TCAIM: variants seen among roughly 807,000 people sequenced by gnomAD.
TCAIM encodes the protein T cell activation inhibitor, mitochondrial, also known as T-cell activation inhibitor, mitochondrial.
Under a neutral mutation model 58.6 loss-of-function variants are expected in TCAIM, and 36 were observed. The ratio of observed to expected loss-of-function variants is 0.61; its 90% confidence interval spans 0.47 to 0.81. TCAIM has a LOEUF of 0.81. TCAIM is among the 30% of genes least tolerant of loss of function. TCAIM has a pLI of 0.00. For missense variants in TCAIM, 466 were observed against 579.6 expected, an observed-to-expected ratio of 0.80 and a Z score of 2.01; for synonymous variants, 172 against 193.6, an observed-to-expected ratio of 0.89 and a Z score of 0.93.
intron 3 of TCAIM, chr3:44,359,076 G>T (rs2125633587): frequency 1.0e-5 from 10 of 983,166 alleles, no homozygotes; most frequent in Non-Finnish European, 1.2e-5. Flanking sequence ...TTCTACCAAT[G>T]TATTTTTTTT....
intron 6 of TCAIM, among the ~76,000 whole-genome samples, chr3:44,393,182 G>T (rs73090454): frequency 0.18 from 27,410 of 152,098 alleles, 2,694 homozygotes; most frequent in Middle Eastern, 0.29. Flanking sequence ...ATAAGGCTGT[G>T]CACAGTGGCT....
Position 44,407,451 on chromosome 3 carries a change from T to G in TCAIM, c.1260T>G (p.Val420=). The change falls in exon 11 of 11, where the codon GTT becomes GTG. Residue 420 remains valine, a synonymous_variant. Coordinates refer to ENST00000342649, the MANE Select transcript of TCAIM (RefSeq NM_173826.4). Reference sequence around the variant, plus strand: ...ATTTTCTATATAATAGGTTAAAGGTTATTGAAAATGAATTGATACAGGCAT... The same window carrying G: ...ATTTTCTATATAATAGGTTAAAGGTGATTGAAAATGAATTGATACAGGCAT... ...ENMKRKEELK[V]IENELIQAST... 1 of 1,532,446 alleles carries G rather than the reference T, an allele frequency of 6.5e-7. No homozygotes were observed. Among genetic ancestry groups the G allele is most frequent in the Non-Finnish European group, 9.0e-7 (1 of 1,111,264 alleles). The allele number at this position is 1,532,446 out of a possible 1,614,324, so 94.9% of individuals were successfully genotyped here.
intron 1 of TCAIM, 146 bp downstream of exon 1, chr3:44,338,980 T>C (rs1443741589): frequency 1.3e-5 from 2 of 152,232 alleles, no homozygotes; most frequent in Non-Finnish European, 2.9e-5. Flanking sequence ...AGTATCCGCA[T>C]CGCATCTACA....
intron 4 of TCAIM, among the ~76,000 whole-genome samples, chr3:44,362,234 T>A (rs1441224007): frequency 6.6e-6 from 1 of 152,304 alleles, no homozygotes; most frequent in East Asian, 1.9e-4. Context: ...AAACAAACTG[T>A]TATAAAACTC....
At chr3:44,384,852 T>A (rs954592778) in intron 5 of TCAIM, among the ~76,000 whole-genome samples, 10 of 152,366 alleles carry the variant, frequency 6.6e-5, no homozygotes, top group African/African-American at 2.4e-4. Context: ...TAATAGCTCA[T>A]GCATTGTTTA....
At chr3:44,345,306 A>C (rs1700943789) in intron 1 of TCAIM, among the ~76,000 whole-genome samples, 1 of 151,958 alleles carries the variant, frequency 6.6e-6, no homozygotes, top group Admixed American at 6.5e-5. Flanking sequence ...AACTAAACAG[A>C]AGACGCAAGG....
intron 5 of TCAIM, among the ~76,000 whole-genome samples, chr3:44,368,586 G>A (rs1288743615): frequency 6.6e-6 from 1 of 152,186 alleles, no homozygotes; most frequent in Non-Finnish European, 1.5e-5. Context: ...TATGATATTT[G>A]TCTATATGCA....
At chr3:44,365,930 G>T (rs1337057837) in intron 4 of TCAIM, among the ~76,000 whole-genome samples, 2 of 152,350 alleles carry the variant, frequency 1.3e-5, no homozygotes, top group African/African-American at 4.8e-5. Flanking sequence ...CTCAAGTAAA[G>T]ATGGTAAAGT....
intron 10 of TCAIM, among the ~76,000 whole-genome samples, chr3:44,402,492 AAC>A (rs1702035676): frequency 6.6e-6 from 1 of 152,184 alleles, no homozygotes; most frequent in Non-Finnish European, 1.5e-5. Context: ...TATTATAGCC[AAC>A]AGTTTCCTGT....
intron 5 of TCAIM, among the ~76,000 whole-genome samples, chr3:44,379,206 TAATA>T (rs143359645): frequency 0.011 from 1,698 of 151,672 alleles, 17 homozygotes; most frequent in Non-Finnish European, 0.017. Flanking sequence ...AAAAATTAAT[TAATA>T]AATAAATAAC....
intron 5 of TCAIM, among the ~76,000 whole-genome samples, chr3:44,378,913 C>A (rs1434876981): frequency 6.6e-6 from 1 of 152,054 alleles, no homozygotes. Flanking sequence ...AATCCCAGCA[C>A]TTTGGGAGGC....
intron 4 of TCAIM, among the ~76,000 whole-genome samples, chr3:44,366,457 T>TTTG (rs1701376341): frequency 7.1e-6 from 1 of 140,898 alleles, no homozygotes; most frequent in African/African-American, 2.6e-5. Flanking sequence ...CTGGCTAATT[T>TTTG]TTGTTGTTTT....
At chr3:44,385,753 A>G (rs183558554) in intron 5 of TCAIM, among the ~76,000 whole-genome samples, 1 of 152,062 alleles carries the variant, frequency 6.6e-6, no homozygotes, top group East Asian at 1.9e-4. Context: ...AAAAACAAAA[A>G]AAATCTGAAA....
At chr3:44,383,814 A>C (rs1233551611) in intron 5 of TCAIM, among the ~76,000 whole-genome samples, 2 of 100,282 alleles carry the variant, frequency 2.0e-5, no homozygotes, top group African/African-American at 3.3e-5. Context: ...CTCTACAAAA[A>C]AAAAAAAAAA....
At chr3:44,396,675 C>T (rs1701940388) in intron 7 of TCAIM, 68 bp from the exon 8 acceptor site, 2 of 1,543,476 alleles carry the variant, frequency 1.3e-6, no homozygotes, top group Non-Finnish European at 1.8e-6. Flanking sequence ...GGTTTATACA[C>T]TATTTGCACA....
chr3:44,348,791 G>C (rs116282763), intron 1 of TCAIM, among the ~76,000 whole-genome samples: 1,711 of 152,316 alleles, frequency 0.011, 36 homozygotes, highest in African/African-American at 0.039. Flanking sequence ...TCTAAAGGTT[G>C]CTGCTAAACG....
chr3:44,378,427 C>T (rs1701601393), intron 5 of TCAIM, among the ~76,000 whole-genome samples: 1 of 151,966 alleles, frequency 6.6e-6, no homozygotes, highest in Admixed American at 6.6e-5. Flanking sequence ...AAAACAGCCC[C>T]ATTAAAAAGC....
At chr3:44,358,942 A>T (rs1701249624) in intron 3 of TCAIM, 1 of 985,424 alleles carries the variant, frequency 1.0e-6, no homozygotes, top group Non-Finnish European at 1.2e-6. Context: ...TCAAAGTCAG[A>T]ACTTTTCAAA....
At chr3:44,368,538 T>TCAC (rs1701416345) in intron 5 of TCAIM, among the ~76,000 whole-genome samples, 1 of 152,238 alleles carries the variant, frequency 6.6e-6, no homozygotes, top group South Asian at 2.1e-4. Flanking sequence ...GAAGTATGTG[T>TCAC]CTGAAGACGT....
Sources: gnomAD v4.1 joint callset for allele counts (sites outside exome capture counted in the v4.1 genomes callset) on GRCh38, gnomAD v4.1.1 for gene constraint, MANE v1.5 for transcripts, NCBI Gene and HGNC (gene_info 2026-07-23, HGNC 2026-07-21) for gene names.